Variants in OR10C1 observed in about 807,000 individuals in gnomAD.
The protein encoded by OR10C1 is olfactory receptor family 10 subfamily C member 1, also known as olfactory receptor 10C1.
For missense variants in OR10C1, 388 were observed against 392.1 expected, an observed-to-expected ratio of 0.99 and a Z score of 0.09; for synonymous variants, 183 against 174.4, an observed-to-expected ratio of 1.05 and a Z score of -0.39.
Position 29,439,445 on chromosome 6 carries a change from TCTC to T in OR10C1, c.-565_-563del, listed in dbSNP as rs1448895937. 1.3e-5 allele frequency: 2 copies of T among 152,358 alleles called. No homozygotes were observed. Among genetic ancestry groups the T allele is most frequent in the African/African-American group, 2.4e-5 (1 of 41,426 alleles). The allele number at this position is 152,358 out of a possible 1,614,324, so 9.4% of individuals were successfully genotyped here. ...AAGAGAGGATCTTTCTCATTTTTTT[TCTC>T]CTCCTTGAACACTGTGAAATTTATG... On this transcript the variant is annotated 5_prime_UTR_variant, in exon 1 of 1. Transcript: ENST00000444197.
rs17184058 is a variant in OR10C1, at chr6:29,440,872, C to T, written c.857C>T (p.Pro286Leu). The change falls in exon 1 of 1, where the codon CCC becomes CTC. Residue 286 changes from proline (P) to leucine (L), a missense_variant. Transcript: ENST00000444197. ...FYAVVTPILN[P>L]IIYSLRNTEV... ...GCTGTGGTCACCCCCATCCTCAACC[C>T]CATCATCTACAGCCTGCGGAACACA... 2.2e-5 allele frequency: 36 copies of T among 1,613,796 alleles called. No homozygotes were observed. Among genetic ancestry groups the T allele is most frequent in the Non-Finnish European group, 2.9e-5 (34 of 1,179,990 alleles).
At position 29,439,923 on chromosome 6, in the gene OR10C1, A is replaced by C; in HGVS notation, c.-93A>C. 1 of 908,516 alleles carries C rather than the reference A, an allele frequency of 1.1e-6. No homozygotes were observed. The allele number at this position is 908,516 out of a possible 1,614,324, so 56.3% of individuals were successfully genotyped here. A position where few individuals can be genotyped will look rare whatever the true frequency, so the allele number is the denominator to read the frequency against. ...GAGATCTAGTGCTGCGATCAGATGC[A>C]GAGAGAGGTCATCTTTGCCCATTTC... On this transcript the variant is annotated 5_prime_UTR_variant, in exon 1 of 1. Coordinates refer to ENST00000444197, the MANE Select transcript of OR10C1 (RefSeq NM_013941.4).
chr6:29,440,186 T>G lies in OR10C1; in HGVS notation c.171T>G (p.Pro57=). The part of the protein sequence containing the change: ...LVSTDAALQS[P]MYFFLRTLSA... The stretch of plus-strand genomic sequence containing the variant: ...CCACTGATGCTGCCCTCCAGTCCCC[T>G]ATGTACTTCTTCCTGCGCACCCTCT... Residue 57 remains proline (P), a synonymous_variant, in exon 1 of 1, where the codon CCT becomes CCG. Coordinates refer to ENST00000444197, the MANE Select transcript of OR10C1 (RefSeq NM_013941.4). 1 of 1,613,802 alleles carries G rather than the reference T, an allele frequency of 6.2e-7. No homozygotes were observed. The highest frequency in any genetic ancestry group is 8.5e-7 in the Non-Finnish European group (1 of 1,180,008).
chr6:29,439,700 T>C lies in OR10C1; in HGVS notation c.-316T>C. ...TGAAAAGGGAGCTAGACTGACTTAA[T>C]CTTCAGCCCAGGTAAAACTGGAAAG... On this transcript the variant is annotated 5_prime_UTR_variant, in exon 1 of 1. Coordinates refer to ENST00000444197, the MANE Select transcript of OR10C1 (RefSeq NM_013941.4). 1 of 394,960 alleles carries C rather than the reference T, an allele frequency of 2.5e-6. No homozygotes were observed. Among genetic ancestry groups the C allele is most frequent in the Non-Finnish European group, 4.5e-6 (1 of 222,342 alleles). The allele number at this position is 394,960 out of a possible 1,614,324, so 24.5% of individuals were successfully genotyped here. A position where few individuals can be genotyped will look rare whatever the true frequency, so the allele number is the denominator to read the frequency against.
In OR10C1 at chr6:29,440,110, C is replaced by T; in HGVS notation, c.95C>T (p.Thr32Ile). 6.2e-7 allele frequency: 1 copy of T among 1,613,370 alleles called. No individual in the cohort carries two copies. The highest frequency in any genetic ancestry group is 8.5e-7 in the Non-Finnish European group (1 of 1,180,040). Residue 32 changes from threonine (T) to isoleucine (I), a missense_variant, in exon 1 of 1, where the codon ACT becomes ATT. Coordinates refer to ENST00000444197, the MANE Select transcript of OR10C1 (RefSeq NM_013941.4). ...LQGLLFSVFL[T>I]IYLLTVAGNF... ...GGCTTGCTCTTCTCTGTCTTTCTCA[C>T]TATCTACCTGCTGACCGTGGCAGGC...
In OR10C1 at chr6:29,440,185, C is replaced by T. The variant is rs376026435; in HGVS notation, c.170C>T (p.Pro57Leu). Residue 57 changes from proline (P) to leucine (L), a missense_variant, in exon 1 of 1, where the codon CCT becomes CTT. Physicochemically the swap from Pro to Leu is moderately conservative, Grantham distance 98. Coordinates refer to ENST00000444197, the MANE Select transcript of OR10C1 (RefSeq NM_013941.4). The stretch of plus-strand genomic sequence containing the variant: ...TCCACTGATGCTGCCCTCCAGTCCC[C>T]TATGTACTTCTTCCTGCGCACCCTC... ...LVSTDAALQS[P>L]MYFFLRTLSA... 2.5e-6 allele frequency: 4 copies of T among 1,613,820 alleles called. No homozygotes were observed. The highest frequency in any genetic ancestry group is 3.4e-6 in the Non-Finnish European group (4 of 1,180,026).
Position 29,440,769 on chromosome 6 carries a change from G to T in OR10C1, c.754G>T (p.Gly252Cys). Residue 252 changes from glycine (G) to cysteine (C), a missense_variant, in exon 1 of 1, where the codon GGC (glycine) becomes TGC (cysteine). Physicochemically the swap from Gly to Cys is radical, Grantham distance 159. Transcript: ENST00000444197. ...CCTGATCATGGTCTCCCTCTTCTAT[G>T]GCACCGCACTCTTTATCTATATTCG... is the stretch of plus-strand genomic sequence containing the variant. ...SHLIMVSLFY[G>C]TALFIYIRPK... 1 of 1,613,882 alleles carries T rather than the reference G, an allele frequency of 6.2e-7. No individual in the cohort carries two copies. Among genetic ancestry groups the T allele is most frequent in the South Asian group, 1.1e-5 (1 of 91,060 alleles).
Sources: allele counts gnomAD v4.1 joint callset, GRCh38; gene constraint gnomAD v4.1.1; transcripts MANE v1.5; gene names NCBI Gene and HGNC (gene_info 2026-07-23, HGNC 2026-07-21).